ILRUN: variants seen among roughly 807,000 people sequenced by gnomAD.
ILRUN encodes the protein inflammation and lipid regulator with UBA-like and NBR1-like domains, also known as protein ILRUN.
ILRUN carries 3 observed loss-of-function variants against 33.8 expected under a neutral mutation model. The observed-to-expected ratio is 0.09, with a 90% CI of 0.04 to 0.23. ILRUN has a LOEUF of 0.23. Ranked by LOEUF, ILRUN falls within the 10% of genes least tolerant of loss-of-function variation. The probability of loss-of-function intolerance (pLI) is 1.00; values close to 1 mark genes in which losing one functional copy is unlikely to be tolerated. For synonymous variants in ILRUN, 124 were observed against 138.9 expected, an observed-to-expected ratio of 0.89 and a Z score of 0.75; for missense variants, 210 against 375.1, an observed-to-expected ratio of 0.56 and a Z score of 3.64.
intron 4 of ILRUN, among the ~76,000 whole-genome samples, chr6:34,604,295 A>C (rs1341245622): frequency 1.3e-5 from 2 of 152,234 alleles, no homozygotes; most frequent in Non-Finnish European, 2.9e-5. Context: ...ATACCAGCCC[A>C]CCATTCCCAA....
chr6:34,595,454 G>A (rs984298942), intron 4 of ILRUN, among the ~76,000 whole-genome samples: 1 of 152,346 alleles, frequency 6.6e-6, no homozygotes, highest in Admixed American at 6.5e-5. Context: ...AGAGTAGGCT[G>A]CCCTTCTATG....
intron 1 of ILRUN, among the ~76,000 whole-genome samples, chr6:34,658,490 CTT>C (rs71538252): frequency 1.7e-4 from 22 of 130,822 alleles, no homozygotes; most frequent in Non-Finnish European, 1.6e-4. Context: ...TTTTCTTTTT[CTT>C]TTTTTTTTTT....
chr6:34,645,334 CA>C (rs1333592695), intron 3 of ILRUN, among the ~76,000 whole-genome samples: 2 of 152,094 alleles, frequency 1.3e-5, no homozygotes, highest in African/African-American at 2.4e-5. Context: ...CCGATTATCT[CA>C]GGGGGGTGCC....
intron 3 of ILRUN, among the ~76,000 whole-genome samples, chr6:34,624,048 T>A (rs1283205208): frequency 6.6e-6 from 1 of 152,142 alleles, no homozygotes; most frequent in Non-Finnish European, 1.5e-5. Context: ...GCCAGGCTGG[T>A]CTTGAACTCC....
intron 3 of ILRUN, among the ~76,000 whole-genome samples, chr6:34,638,653 C>T (rs1054227127): frequency 5.3e-5 from 8 of 151,764 alleles, no homozygotes; most frequent in African/African-American, 1.7e-4. Flanking sequence ...TGTAGTGAGC[C>T]GTGATCACAC....
rs1252640942 is a variant in ILRUN at position 34,597,458 on chromosome 6, T to C, written c.862-6858A>G. Among the ~76,000 whole-genome samples, 4 of 152,346 alleles carry C rather than the reference T, an allele frequency of 2.6e-5. No individual in the cohort carries two copies. The East Asian group carries it at 7.7e-4, about 29-fold the overall frequency. On this transcript the variant is annotated intron_variant, in intron 4 of 4. Coordinates refer to ENST00000374023, the MANE Select transcript of ILRUN (RefSeq NM_024294.4). ...CAAGTTCCTAGTCAGGTAGCCACCC[T>C]GCTAGGACACAGGATAAGGCTGCTG... is the stretch of plus-strand genomic sequence containing the variant.
At chr6:34,606,445 A>C in intron 4 of ILRUN, 110 bp downstream of exon 4, 2 of 824,782 alleles carry the variant, frequency 2.4e-6, no homozygotes, top group Non-Finnish European at 3.8e-6. Context: ...GAGCAGTCTT[A>C]AAGAACCTCC....
chr6:34,614,203 G>A lies in ILRUN; in HGVS notation c.512-7299C>T, dbSNP rs567115051. ...CGTGGGAGGCCAAGGCAGGTGGATC[G>A]CCAGGTCAGGAGATCGAGACCATCC... On this transcript the variant is annotated intron_variant, in intron 3 of 4. Transcript: ENST00000374023. Among the ~76,000 whole-genome samples the A allele has an allele frequency of 6.6e-5, 10 of 152,000 alleles. No homozygotes were observed. The South Asian group carries it at 2.1e-3, about 32-fold the overall frequency.
At chr6:34,595,342 T>C (rs1019221737) in intron 4 of ILRUN, among the ~76,000 whole-genome samples, 3 of 152,238 alleles carry the variant, frequency 2.0e-5, no homozygotes, top group Non-Finnish European at 4.4e-5. Flanking sequence ...CTGTCACTGA[T>C]AGAAAACATC....
At chr6:34,679,382 C>A (rs1341665520) in intron 1 of ILRUN, among the ~76,000 whole-genome samples, 2 of 152,036 alleles carry the variant, frequency 1.3e-5, no homozygotes, top group Non-Finnish European at 2.9e-5. Flanking sequence ...GCCCAGCAAT[C>A]CTCAGCCCAG....
In ILRUN at chr6:34,590,362, T is replaced by G; in HGVS notation, c.*203A>C. On this transcript the variant is annotated 3_prime_UTR_variant, in exon 5 of 5. Transcript: ENST00000374023. ...TTTCTTCTTGGTAGCCTCAACACCA[T>G]TCCTGTGATTCAGCATTCACACATG... The G allele has an allele frequency of 1.9e-6, 1 of 539,276 alleles. No homozygotes were observed. The highest frequency in any genetic ancestry group is 3.1e-6 in the Non-Finnish European group (1 of 326,582). 33.4% of individuals were successfully genotyped at this position (539,276 alleles called of 1,614,324 possible). A position where few individuals can be genotyped will look rare whatever the true frequency, so the allele number is the denominator to read the frequency against.
At chr6:34,642,082 A>G (rs1427946582) in intron 3 of ILRUN, among the ~76,000 whole-genome samples, 3 of 152,234 alleles carry the variant, frequency 2.0e-5, no homozygotes, top group Admixed American at 6.5e-5. Context: ...TTCATAGTGA[A>G]GTTTGAATCC....
At chr6:34,632,363 C>T (rs1371411924) in intron 3 of ILRUN, among the ~76,000 whole-genome samples, 1 of 152,008 alleles carries the variant, frequency 6.6e-6, no homozygotes, top group Non-Finnish European at 1.5e-5. Flanking sequence ...ATAGCGTGAA[C>T]CTGGGAGGCG....
At position 34,655,525 on chromosome 6, in the gene ILRUN, ATC is replaced by A. The variant is rs541304537; in HGVS notation, c.159-748_159-747del. Among the ~76,000 whole-genome samples, 602 of 152,314 alleles carry A rather than the reference ATC, an allele frequency of 4.0e-3. 1 individual carries two copies. Among genetic ancestry groups the A allele is most frequent in the African/African-American group, 7.3e-3 (303 of 41,548 alleles). The stretch of plus-strand genomic sequence containing the variant: ...TCTCTTAATACTGTATCTTGAAAAC[ATC>A]TCTGTTAGTACATAAAGAGCATCCT... On this transcript the variant is annotated intron_variant, in intron 1 of 4. Transcript: ENST00000374023.
intron 3 of ILRUN, among the ~76,000 whole-genome samples, chr6:34,640,936 G>A (rs780734760): frequency 1.6e-4 from 24 of 151,276 alleles, no homozygotes; most frequent in Non-Finnish European, 2.5e-4. Context: ...AAAATTAGCC[G>A]GGCATGGTGG....
At chr6:34,654,577 T>C in intron 2 of ILRUN, 48 bp downstream of exon 2, 2 of 1,546,502 alleles carry the variant, frequency 1.3e-6, no homozygotes, top group Non-Finnish European at 1.7e-6. Context: ...ATTTAACTAT[T>C]AAGAAAATGA....
At chr6:34,691,663 G>A (rs1581563720) in intron 1 of ILRUN, among the ~76,000 whole-genome samples, 1 of 152,052 alleles carries the variant, frequency 6.6e-6, no homozygotes, top group Non-Finnish European at 1.5e-5. Context: ...AGGTGTGGTC[G>A]TGGGCGCCCA....
intron 3 of ILRUN, among the ~76,000 whole-genome samples, chr6:34,637,876 T>C (rs1179555758): frequency 8.8e-5 from 13 of 148,418 alleles, no homozygotes; most frequent in African/African-American, 3.4e-4. Flanking sequence ...GTTGTTGTTG[T>C]TGTTGTTGTT....
chr6:34,610,757 G>GT (rs1761731587), intron 3 of ILRUN, among the ~76,000 whole-genome samples: 1 of 152,152 alleles, frequency 6.6e-6, no homozygotes, highest in Admixed American at 6.5e-5. Flanking sequence ...AAATTCTTTT[G>GT]TAAGTACATG....
Sources: allele counts gnomAD v4.1 joint callset (sites outside exome capture counted in the v4.1 genomes callset), GRCh38; gene constraint gnomAD v4.1.1; transcripts MANE v1.5; gene names NCBI Gene and HGNC (gene_info 2026-07-23, HGNC 2026-07-21).